DAB1: variants seen among roughly 807,000 people sequenced by gnomAD.
DAB1 encodes DAB adaptor protein 1.
In DAB1, 15 loss-of-function variants were observed where a neutral mutation model predicts 64.6. That is an observed-to-expected ratio of 0.23 (90% CI 0.16 to 0.36). The LOEUF (loss-of-function observed/expected upper bound fraction) is 0.36, where lower values mean the gene tolerates loss of function less well. Ranked by LOEUF, DAB1 falls within the 10% of genes least tolerant of loss-of-function variation. The pLI, the probability that DAB1 is intolerant of heterozygous loss-of-function variation, is 1.00. For missense variants in DAB1, 596 were observed against 706.7 expected (o/e 0.84, Z 1.78); for synonymous variants, 235 against 251.9 (o/e 0.93, Z 0.64).
chr1:57,176,565 A>C (rs1662338038), intron 2 of DAB1, among the ~76,000 whole-genome samples: 1 of 152,142 alleles, frequency 6.6e-6, no homozygotes, highest in South Asian at 2.1e-4. Flanking sequence ...ATCATATATT[A>C]AACGAAAACC....
chr1:57,281,338 GAA>G (rs1224212356), intron 2 of DAB1, among the ~76,000 whole-genome samples: 1 of 152,126 alleles, frequency 6.6e-6, no homozygotes, highest in African/African-American at 2.4e-5. Context: ...CATTTCTGGA[GAA>G]AAGTAATCTT....
intron 5 of DAB1, among the ~76,000 whole-genome samples, chr1:58,050,772 G>A (rs1477790440): frequency 6.6e-6 from 1 of 151,978 alleles, no homozygotes. Context: ...CTCGTGATCC[G>A]CCCGCCTCGG....
chr1:58,235,894 T>G (rs931176973), intron 4 of DAB1, among the ~76,000 whole-genome samples: 1 of 152,180 alleles, frequency 6.6e-6, no homozygotes, highest in Non-Finnish European at 1.5e-5. Flanking sequence ...GGTCTTCTTT[T>G]TGGAGGCCAT....
At chr1:57,672,879 G>T (rs1362935376) in intron 6 of DAB1, among the ~76,000 whole-genome samples, 1 of 152,114 alleles carries the variant, frequency 6.6e-6, no homozygotes, top group African/African-American at 2.4e-5. Context: ...CATAGCTTTT[G>T]TCACAGAGTT....
At chr1:57,592,576 A>AT (rs200432160) in intron 7 of DAB1, among the ~76,000 whole-genome samples, 107 of 148,598 alleles carry the variant, frequency 7.2e-4, no homozygotes, top group African/African-American at 1.3e-3. Context: ...GTCAAACTAG[A>AT]TTTTTTTTTT....
At chr1:57,808,091 G>A (rs1651449640) in intron 6 of DAB1, among the ~76,000 whole-genome samples, 1 of 151,914 alleles carries the variant, frequency 6.6e-6, no homozygotes, top group Admixed American at 6.6e-5. Context: ...GGTGACCAGT[G>A]CCCCTATTTC....
At chr1:58,424,461 T>A (rs1175158005) in intron 3 of DAB1, among the ~76,000 whole-genome samples, 2 of 152,186 alleles carry the variant, frequency 1.3e-5, no homozygotes, top group Non-Finnish European at 1.5e-5. Context: ...GTGGGGATTC[T>A]CTCGGTTTTA....
intron 2 of DAB1, among the ~76,000 whole-genome samples, chr1:57,252,851 T>A (rs960417679): frequency 1.3e-5 from 2 of 152,066 alleles, no homozygotes; most frequent in African/African-American, 4.8e-5. Flanking sequence ...TCAAGGGGCT[T>A]AAAAATCATG....
intron 7 of DAB1, among the ~76,000 whole-genome samples, chr1:57,549,336 A>G (rs1028344908): frequency 2.0e-4 from 31 of 152,382 alleles, no homozygotes; most frequent in African/African-American, 7.2e-4. Flanking sequence ...GTTTACAATT[A>G]AAATGTCCTG....
At chr1:57,497,713 T>A (rs1040961194) in intron 7 of DAB1, among the ~76,000 whole-genome samples, 4 of 152,172 alleles carry the variant, frequency 2.6e-5, no homozygotes, top group African/African-American at 7.2e-5. Context: ...CATTCTTATG[T>A]CAAGAAGGGG....
At chr1:57,314,456 A>G (rs977476535) in intron 1 of DAB1, among the ~76,000 whole-genome samples, 3 of 151,690 alleles carry the variant, frequency 2.0e-5, no homozygotes, top group African/African-American at 4.9e-5. Flanking sequence ...GAGGATTGGC[A>G]GGTCCTTCAC....
At chr1:58,124,132 T>C (rs1401369102) in intron 5 of DAB1, among the ~76,000 whole-genome samples, 3 of 152,016 alleles carry the variant, frequency 2.0e-5, no homozygotes, top group Non-Finnish European at 2.9e-5. Context: ...CCTGTAGCAG[T>C]AGATTTGGGA....
chr1:57,923,792 A>T (rs1644842235), intron 5 of DAB1, among the ~76,000 whole-genome samples: 1 of 152,252 alleles, frequency 6.6e-6, no homozygotes. Flanking sequence ...CTTCTACCAG[A>T]AATAGCATTA....
chr1:57,717,326 CA>C (rs1033808194), intron 6 of DAB1, among the ~76,000 whole-genome samples: 3 of 150,078 alleles, frequency 2.0e-5, no homozygotes, highest in Non-Finnish European at 4.5e-5. Flanking sequence ...AAAAAATGAT[CA>C]AAAAAATCAT....
chr1:57,699,479 T>C (rs565688628), intron 6 of DAB1, among the ~76,000 whole-genome samples: 10 of 152,326 alleles, frequency 6.6e-5, no homozygotes, highest in African/African-American at 2.4e-4. Flanking sequence ...GTAAATATCC[T>C]TGATGCTTTC....
At chr1:58,477,508 C>T (rs1645430759) in intron 3 of DAB1, among the ~76,000 whole-genome samples, 1 of 152,064 alleles carries the variant, frequency 6.6e-6, no homozygotes, top group Admixed American at 6.6e-5. Context: ...CCATCATCAG[C>T]TTGAATGTTG....
chr1:58,223,914 AT>A (rs1557702706), intron 4 of DAB1, among the ~76,000 whole-genome samples: 4 of 152,212 alleles, frequency 2.6e-5, no homozygotes, highest in East Asian at 1.9e-4. Flanking sequence ...AAATACATAT[AT>A]TTTTTCCCCT....
chr1:57,956,193 T>C (rs1570071484), intron 5 of DAB1, among the ~76,000 whole-genome samples: 2 of 152,174 alleles, frequency 1.3e-5, no homozygotes, highest in African/African-American at 4.8e-5. Flanking sequence ...AGCAAGAAAC[T>C]GGCAGCACAC....
At chr1:57,685,255 A>C (rs1255751488) in intron 6 of DAB1, among the ~76,000 whole-genome samples, 1 of 151,458 alleles carries the variant, frequency 6.6e-6, no homozygotes, top group Non-Finnish European at 1.5e-5. Flanking sequence ...CGTGGCCGGG[A>C]GTTGCTATTC....
Sources: allele counts gnomAD v4.1 joint callset (sites outside exome capture counted in the v4.1 genomes callset), GRCh38; gene constraint gnomAD v4.1.1; transcripts MANE v1.5; gene names NCBI Gene and HGNC (gene_info 2026-07-23, HGNC 2026-07-21).